The following ADGRB3 variants were observed in gnomAD, a reference collection of about 807,000 sequenced individuals.
The protein encoded by ADGRB3 is adhesion G protein-coupled receptor B3.
ADGRB3 carries 37 observed loss-of-function variants against 193.4 expected under a neutral mutation model. The observed-to-expected ratio is 0.19, with a 90% confidence interval of 0.15 to 0.25. ADGRB3 has a LOEUF of 0.25. Among genes scored for constraint, ADGRB3 ranks in the 10% least tolerant of loss-of-function variants. ADGRB3 has a pLI of 1.00. For missense variants in ADGRB3, 1,637 were observed against 1,852.9 expected (o/e 0.88, Z 2.14); for synonymous variants, 690 against 644.2 (o/e 1.07, Z -1.08).
chr6:68,681,546 C>T (rs1235774193), intron 3 of ADGRB3, among the ~76,000 whole-genome samples: 2 of 152,132 alleles, frequency 1.3e-5, no homozygotes, highest in Non-Finnish European at 2.9e-5. Context: ...TCCCAAAGTG[C>T]TGAGATTACA....
chr6:68,770,850 G>A (rs1766603822), intron 3 of ADGRB3, among the ~76,000 whole-genome samples: 1 of 152,038 alleles, frequency 6.6e-6, no homozygotes, highest in South Asian at 2.1e-4. Context: ...ACACCTGACT[G>A]CACATCCTTA....
rs141482561 is a variant in ADGRB3, at chr6:68,705,565, G to C, written c.757+66133G>C. On this transcript the variant is annotated intron_variant, in intron 3 of 31. Transcript: ENST00000370598. ...TCACTCTGTGTCTGTCAGTGCCCCC[G>C]ACCACACACCTTCAGAACCAGATGG... is the stretch of plus-strand genomic sequence containing the variant. Among the ~76,000 whole-genome samples the C allele has an allele frequency of 2.0e-5, 3 of 152,216 alleles. No homozygotes were observed. The East Asian group carries it at 5.8e-4, about 29-fold the overall frequency.
chr6:69,361,254 A>C lies in ADGRB3; in HGVS notation c.3981A>C (p.Lys1327Asn). Residue 1327 changes from lysine (K) to asparagine (N), a missense_variant, in exon 29 of 32, where the codon AAA (lysine) becomes AAC (asparagine). By Grantham distance (94) the Lys-to-Asn change is moderately conservative (BLOSUM62 0). Transcript: ENST00000370598. ...AGCCTTCAATGAAAGAAGAAAGCAAAATGAATATTGGCATGGAAACCTTGC... is the reference window on the plus strand; with the variant it reads ...AGCCTTCAATGAAAGAAGAAAGCAACATGAATATTGGCATGGAAACCTTGC... ...NNQPSMKEES[K>N]MNIGMETLPH... 6.2e-7 allele frequency: 1 copy of C among 1,612,854 alleles called. No individual in the cohort carries two copies. The highest frequency in any genetic ancestry group is 1.1e-5 in the South Asian group (1 of 91,068).
chr6:69,339,711 G>A (rs1768935988), intron 26 of ADGRB3, among the ~76,000 whole-genome samples: 1 of 152,140 alleles, frequency 6.6e-6, no homozygotes, highest in Non-Finnish European at 1.5e-5. Flanking sequence ...GAACAGATGG[G>A]ACTATGCCAG....
intron 10 of ADGRB3, among the ~76,000 whole-genome samples, chr6:68,976,350 AC>A (rs1223017561): frequency 6.6e-6 from 1 of 152,124 alleles, no homozygotes; most frequent in Non-Finnish European, 1.5e-5. Flanking sequence ...TCCTTATGAA[AC>A]TTGGAGTTAA....
chr6:69,219,121 A>G (rs1431432229), intron 17 of ADGRB3, among the ~76,000 whole-genome samples: 1 of 151,966 alleles, frequency 6.6e-6, no homozygotes, highest in Non-Finnish European at 1.5e-5. Flanking sequence ...CTTTATCTTG[A>G]AATTGCAAAG....
At chr6:68,642,386 T>C (rs1316219160) in intron 3 of ADGRB3, among the ~76,000 whole-genome samples, 1 of 152,142 alleles carries the variant, frequency 6.6e-6, no homozygotes, top group Non-Finnish European at 1.5e-5. Flanking sequence ...AACAATAGAC[T>C]CTCAGGAGTG....
chr6:68,975,684 C>G (rs980037639), intron 10 of ADGRB3, among the ~76,000 whole-genome samples: 1 of 152,116 alleles, frequency 6.6e-6, no homozygotes, highest in Admixed American at 6.6e-5. Context: ...TTTAAAATAT[C>G]ATACATTTTA....
chr6:69,116,617 G>T (rs896448997), intron 17 of ADGRB3, among the ~76,000 whole-genome samples: 1 of 152,174 alleles, frequency 6.6e-6, no homozygotes, highest in Non-Finnish European at 1.5e-5. Context: ...AAAAACTGAA[G>T]GCAATTTCTT....
chr6:69,308,293 A>G (rs925616083), intron 20 of ADGRB3, among the ~76,000 whole-genome samples: 3 of 151,484 alleles, frequency 2.0e-5, no homozygotes, highest in African/African-American at 7.3e-5. Flanking sequence ...TTTCCTGTTT[A>G]GCACAAGGAT....
intron 3 of ADGRB3, among the ~76,000 whole-genome samples, chr6:68,868,851 G>A (rs1197318567): frequency 2.0e-5 from 3 of 151,018 alleles, no homozygotes; most frequent in Non-Finnish European, 4.4e-5. Flanking sequence ...TGGAAGTGTT[G>A]GAACCAAAAA....
intron 17 of ADGRB3, among the ~76,000 whole-genome samples, chr6:69,082,475 C>A (rs1421077787): frequency 2.0e-5 from 3 of 152,030 alleles, no homozygotes; most frequent in African/African-American, 4.8e-5. Context: ...CATAGTTCTA[C>A]TTTTTTCCCC....
At chr6:68,877,778 T>A (rs1026056264) in intron 3 of ADGRB3, among the ~76,000 whole-genome samples, 1 of 152,146 alleles carries the variant, frequency 6.6e-6, no homozygotes, top group Admixed American at 6.5e-5. Flanking sequence ...GGACTTTTTT[T>A]AATAGTCCAT....
intron 3 of ADGRB3, among the ~76,000 whole-genome samples, chr6:68,678,688 T>C (rs1764820194): frequency 6.6e-6 from 1 of 152,182 alleles, no homozygotes; most frequent in Non-Finnish European, 1.5e-5. Context: ...TAACAGCCAG[T>C]TTTGCATCTA....
chr6:68,968,078 A>T (rs1418526839), intron 8 of ADGRB3, among the ~76,000 whole-genome samples: 2 of 151,896 alleles, frequency 1.3e-5, no homozygotes, highest in South Asian at 2.1e-4. Flanking sequence ...TAAACATTGT[A>T]CTTGCATGAA....
At chr6:68,775,960 T>C (rs974552834) in intron 3 of ADGRB3, among the ~76,000 whole-genome samples, 11 of 152,180 alleles carry the variant, frequency 7.2e-5, no homozygotes, top group African/African-American at 2.7e-4. Flanking sequence ...TTTAGAGGTA[T>C]CACAAATAAG....
At chr6:68,663,523 A>T (rs1308951648) in intron 3 of ADGRB3, among the ~76,000 whole-genome samples, 1 of 151,764 alleles carries the variant, frequency 6.6e-6, no homozygotes, top group East Asian at 1.9e-4. Context: ...ATTTGCTTAG[A>T]TCTGCCATTA....
intron 3 of ADGRB3, among the ~76,000 whole-genome samples, chr6:68,669,489 T>C (rs1768889263): frequency 6.6e-6 from 1 of 151,868 alleles, no homozygotes; most frequent in African/African-American, 2.4e-5. Context: ...AGTGAGAACA[T>C]GCCATGTTTG....
chr6:69,317,241 T>C (rs1253468228), intron 20 of ADGRB3, among the ~76,000 whole-genome samples: 2 of 151,536 alleles, frequency 1.3e-5, no homozygotes, highest in Non-Finnish European at 3.0e-5. Context: ...ACATCAAAGA[T>C]GAACCAGTAT....
Sources: gnomAD v4.1 joint callset for allele counts (sites outside exome capture counted in the v4.1 genomes callset) on GRCh38, gnomAD v4.1.1 for gene constraint, MANE v1.5 for transcripts, NCBI Gene and HGNC (gene_info 2026-07-23, HGNC 2026-07-21) for gene names.